Variants in GOLGA4 observed in about 807,000 individuals in gnomAD.
GOLGA4 encodes golgin A4.
In GOLGA4, 169 loss-of-function variants were observed where a neutral mutation model predicts 265.9. The ratio of observed to expected loss-of-function variants is 0.64; its 90% CI spans 0.56 to 0.72. GOLGA4 has a LOEUF of 0.72. GOLGA4 is among the 30% of genes least tolerant of loss of function. The probability of loss-of-function intolerance (pLI) is 0.00; values close to 1 mark genes in which losing one functional copy is unlikely to be tolerated. For missense variants in GOLGA4, 2,482 were observed against 2,483.4 expected (o/e 1.00, Z 0.01); for synonymous variants, 923 against 855.8 (o/e 1.08, Z -1.37).
intron 10 of GOLGA4, among the ~76,000 whole-genome samples, chr3:37,309,821 C>T (rs777110322): frequency 7.2e-5 from 11 of 152,308 alleles, no homozygotes; most frequent in South Asian, 2.1e-4. Flanking sequence ...TACATAGACA[C>T]GTATTTGGAA....
chr3:37,267,615 T>G (rs1175528208), intron 2 of GOLGA4, among the ~76,000 whole-genome samples: 4 of 152,260 alleles, frequency 2.6e-5, no homozygotes, highest in African/African-American at 9.6e-5. Flanking sequence ...CCAGTAAGGA[T>G]AGCCTTTGGT....
chr3:37,262,888 A>G (rs2096773756), intron 2 of GOLGA4, among the ~76,000 whole-genome samples: 1 of 152,004 alleles, frequency 6.6e-6, no homozygotes, highest in Admixed American at 6.6e-5. Context: ...GTCCCATAAG[A>G]TTATAATGGA....
At chr3:37,347,167 G>A (rs774982693) in intron 20 of GOLGA4, 26 bp from the exon 21 acceptor site, 2 of 1,379,786 alleles carry the variant, frequency 1.4e-6, no homozygotes, top group South Asian at 1.2e-5. Flanking sequence ...TGTCTTTACA[G>A]TTTGATCTAT....
At chr3:37,361,362 TACTA>T (rs1187803626) in intron 23 of GOLGA4, 57 bp downstream of exon 23, 9 of 1,158,538 alleles carry the variant, frequency 7.8e-6, no homozygotes, top group East Asian at 2.3e-5. Context: ...TGTTGCCTGA[TACTA>T]ACCATTTTGC....
rs202188013 is a variant in GOLGA4, at chr3:37,294,987, A to G, written c.591A>G (p.Gln197=). 6 of 1,602,934 alleles carry G rather than the reference A, an allele frequency of 3.7e-6. No individual in the cohort carries two copies. The African/African-American group carries it at 8.1e-5, about 22-fold the overall frequency. Residue 197 remains glutamine, a synonymous_variant, in exon 6 of 24, where the codon CAA becomes CAG. Coordinates refer to ENST00000361924, the MANE Select transcript of GOLGA4 (RefSeq NM_002078.5). ...RRIAELREEL[Q]MDQQAKKHLQ... ...ATCATTTTATGTTTTAGGAGCTCCA[A>G]ATGGACCAGCAGGCAAAGAAACATC...
At chr3:37,303,580 A>G (rs1168987078) in intron 10 of GOLGA4, among the ~76,000 whole-genome samples, 3 of 152,226 alleles carry the variant, frequency 2.0e-5, no homozygotes, top group Non-Finnish European at 2.9e-5. Context: ...CCCAGTCATG[A>G]GCTTTTCAAA....
At chr3:37,318,733 G>A (rs1055735196) in intron 11 of GOLGA4, among the ~76,000 whole-genome samples, 1 of 152,178 alleles carries the variant, frequency 6.6e-6, no homozygotes, top group Non-Finnish European at 1.5e-5. Flanking sequence ...ACCTTCACCA[G>A]TGTAGTGCCC....
chr3:37,252,105 A>G (rs1013390117), intron 2 of GOLGA4, among the ~76,000 whole-genome samples: 1 of 146,378 alleles, frequency 6.8e-6, no homozygotes, highest in Non-Finnish European at 1.5e-5. Context: ...CCATGTAACC[A>G]GCAGCTGGCA....
At chr3:37,270,202 CTTTTTTTTTT>C (rs144373648) in intron 2 of GOLGA4, among the ~76,000 whole-genome samples, 2 of 99,898 alleles carry the variant, frequency 2.0e-5, no homozygotes, top group African/African-American at 8.4e-5. Context: ...CCAGTTGTAG[CTTTTTTTTTT>C]TTTTTTTTTT....
chr3:37,275,894 T>C (rs957307137), intron 2 of GOLGA4: 1 of 1,613,608 alleles, frequency 6.2e-7, no homozygotes, highest in Non-Finnish European at 8.5e-7. Flanking sequence ...TTTGGCAAAG[T>C]CTCTCATCAA....
intron 1 of GOLGA4, among the ~76,000 whole-genome samples, chr3:37,248,957 G>A (rs753675757): frequency 2.0e-5 from 3 of 152,198 alleles, no homozygotes; most frequent in Non-Finnish European, 4.4e-5. Flanking sequence ...AACAGAGAGA[G>A]TTGATTAGTC....
chr3:37,362,780 C>CCTTTTTTTTTTTTTTTTTTTTTTTTT (rs1375290747), intron 23 of GOLGA4, among the ~76,000 whole-genome samples: 11 of 75,456 alleles, frequency 1.5e-4, no homozygotes, highest in African/African-American at 4.6e-4. Context: ...AGCCTCTAAG[C>CCTTTTTTTTTTTTTTTTTTTTTTTTT]TTTTTTTTTT....
At chr3:37,321,182 T>C (rs1385315009) in intron 12 of GOLGA4, among the ~76,000 whole-genome samples, 3 of 152,186 alleles carry the variant, frequency 2.0e-5, no homozygotes, top group Non-Finnish European at 4.4e-5. Context: ...TGAATATTGA[T>C]ACATGAAAGG....
intron 14 of GOLGA4, 43 bp downstream of exon 14, chr3:37,327,868 TTAA>T (rs1400899397): frequency 6.8e-7 from 1 of 1,469,826 alleles, no homozygotes; most frequent in Non-Finnish European, 9.3e-7. Context: ...GCAGTCCTTC[TTAA>T]TTAAGTCTCC....
intron 9 of GOLGA4, among the ~76,000 whole-genome samples, chr3:37,301,911 C>T (rs2096893806): frequency 6.6e-6 from 1 of 152,156 alleles, no homozygotes; most frequent in Non-Finnish European, 1.5e-5. Flanking sequence ...GCCTCAGCCT[C>T]CTGAGTAGCT....
At chr3:37,258,242 T>C (rs1413385812) in intron 2 of GOLGA4, among the ~76,000 whole-genome samples, 8 of 148,016 alleles carry the variant, frequency 5.4e-5, no homozygotes, top group Admixed American at 2.7e-4. Flanking sequence ...GTATGAGATA[T>C]ATAGCATATA....
At chr3:37,304,508 G>A (rs892515995) in intron 10 of GOLGA4, among the ~76,000 whole-genome samples, 26 of 152,304 alleles carry the variant, frequency 1.7e-4, no homozygotes, top group Middle Eastern at 3.4e-3. Context: ...CAACAGGTTT[G>A]CTTTCAGTGA....
At chr3:37,317,264 C>T (rs558963459) in intron 11 of GOLGA4, among the ~76,000 whole-genome samples, 1 of 152,174 alleles carries the variant, frequency 6.6e-6, no homozygotes, top group Non-Finnish European at 1.5e-5. Flanking sequence ...CCGCCCCCCA[C>T]GTTCAAGCAA....
chr3:37,286,928 T>A (rs1022586343), intron 4 of GOLGA4, among the ~76,000 whole-genome samples: 2 of 152,240 alleles, frequency 1.3e-5, no homozygotes, highest in African/African-American at 4.8e-5. Flanking sequence ...CCTGTTTGCT[T>A]GTGTTTCTAT....
Sources: allele counts gnomAD v4.1 joint callset (sites outside exome capture counted in the v4.1 genomes callset), GRCh38; gene constraint gnomAD v4.1.1; transcripts MANE v1.5; gene names NCBI Gene and HGNC (gene_info 2026-07-23, HGNC 2026-07-21).